Variants in STIP1 observed in about 807,000 individuals in gnomAD.
The protein encoded by STIP1 is stress-induced-phosphoprotein 1.
In STIP1, 16 loss-of-function variants were observed where a neutral mutation model predicts 77.4. The ratio of observed to expected loss-of-function variants is 0.21; its 90% CI spans 0.14 to 0.31. STIP1 has a LOEUF of 0.31. Among genes scored for constraint, STIP1 ranks in the 10% least tolerant of loss-of-function variants. STIP1 has a pLI of 1.00. For synonymous variants in STIP1, 258 were observed against 246.6 expected (o/e 1.05, Z -0.44); for missense variants, 524 against 684.8 (o/e 0.77, Z 2.62).
At chr11:64,186,398 C>CGGCGGCGGGGAGGTGAGGGCCGCG (rs1946017778) in intron 1 of STIP1, 128 bp downstream of exon 1, 3 of 330,388 alleles carry the variant, frequency 9.1e-6, no homozygotes, top group Non-Finnish European at 1.2e-5. Context: ...CCGGACGGGG[C>CGGCGGCGGGGAGGTGAGGGCCGCG]GGCGGCGGGG....
At position 64,186,257 on chromosome 11, in the gene STIP1, G is replaced by A; in HGVS notation, c.-5G>A. 1 of 1,549,864 alleles carries A rather than the reference G, an allele frequency of 6.5e-7. No homozygotes were observed. Among genetic ancestry groups the A allele is most frequent in the South Asian group, 1.2e-5 (1 of 84,040 alleles). On this transcript the variant is annotated 5_prime_UTR_variant, in exon 1 of 14. Coordinates refer to ENST00000305218, the MANE Select transcript of STIP1 (RefSeq NM_006819.3). ...ATTCAACGGGGTTCCGGACCGCGCT[G>A]CGCTATGGAGCAGGTGAAGGGGGAG...
chr11:64,197,210 A>G (rs1394244589), intron 5 of STIP1, 61 bp from the exon 6 acceptor site: 9 of 1,601,660 alleles, frequency 5.6e-6, no homozygotes, highest in Non-Finnish European at 6.8e-6. Context: ...GACAGATCAT[A>G]GATTCTTGCT....
At chr11:64,200,087 G>T (rs369748130) in intron 9 of STIP1, 51 bp downstream of exon 9, 3 of 1,613,298 alleles carry the variant, frequency 1.9e-6, no homozygotes, top group South Asian at 1.1e-5. Context: ...TGTGCCTCCC[G>T]TGCCTGGCTG....
intron 7 of STIP1, 48 bp downstream of exon 7, chr11:64,197,643 G>C (rs1198631213): frequency 2.5e-6 from 4 of 1,607,078 alleles, no homozygotes; most frequent in Non-Finnish European, 2.6e-6. Context: ...AGGGTTTGCT[G>C]TCCAAGACTT....
chr11:64,190,467 C>T (rs921052178), intron 1 of STIP1, among the ~76,000 whole-genome samples: 1 of 152,090 alleles, frequency 6.6e-6, no homozygotes, highest in Admixed American at 6.6e-5. Flanking sequence ...AGCCACTGCA[C>T]CCGGCAGCAG....
intron 10 of STIP1, chr11:64,202,374 T>TA (rs1946227685): frequency 6.5e-6 from 1 of 153,050 alleles, no homozygotes; most frequent in Admixed American, 6.5e-5. Context: ...CTGGGATTAT[T>TA]ACAGGTGCAG....
In STIP1 at chr11:64,186,312, G is replaced by A. The variant is rs776729147; in HGVS notation, c.9+42G>A. 1.3e-5 allele frequency: 19 copies of A among 1,504,124 alleles called. 1 individual carries two copies. In the East Asian group the frequency reaches 4.0e-4, roughly 32 times the overall value. 93.2% of individuals were successfully genotyped at this position (1,504,124 alleles called of 1,614,324 possible). ...GGGCTGAGGCCCCGAGCCTGCTCGGGGACCGGCGGTGGCCAGGCCGCGGTA... is the reference window on the plus strand; with the variant it reads ...GGGCTGAGGCCCCGAGCCTGCTCGGAGACCGGCGGTGGCCAGGCCGCGGTA... On this transcript the variant is annotated intron_variant, in intron 1 of 13. Coordinates refer to ENST00000305218, the MANE Select transcript of STIP1 (RefSeq NM_006819.3).
intron 13 of STIP1, 100 bp from the exon 14 acceptor site, chr11:64,203,954 C>A: frequency 7.1e-7 from 1 of 1,412,294 alleles, no homozygotes; most frequent in Non-Finnish European, 9.9e-7. Context: ...CCCCTCCCTG[C>A]CGGGGCCTTC....
At chr11:64,202,533 C>G (rs1185502023) in intron 10 of STIP1, 1 of 271,036 alleles carries the variant, frequency 3.7e-6, no homozygotes, top group Non-Finnish European at 7.2e-6. Flanking sequence ...CAGGCATGAG[C>G]CACCGCACCC....
chr11:64,202,474 C>T (rs1308029883), intron 10 of STIP1: 1 of 155,534 alleles, frequency 6.4e-6, no homozygotes, highest in Non-Finnish European at 1.4e-5. Context: ...TGTCAAACTC[C>T]TGACCTCAGG....
At position 64,204,375 on chromosome 11, in the gene STIP1, CT is replaced by C; in HGVS notation, c.*250del. ...AGTTCCATGTCTCTTTCCCCTGCCC[CT>C]AGTTGCTGTCTCGGCTGCTCTCCCA... is the stretch of plus-strand genomic sequence containing the variant. On this transcript the variant is annotated 3_prime_UTR_variant, in exon 14 of 14. Coordinates refer to ENST00000305218, the MANE Select transcript of STIP1 (RefSeq NM_006819.3). The C allele has an allele frequency of 4.1e-6, 2 of 489,292 alleles. No individual in the cohort carries two copies. The highest frequency in any genetic ancestry group is 3.6e-6 in the Non-Finnish European group (1 of 279,078). 30.3% of individuals were successfully genotyped at this position (489,292 alleles called of 1,614,324 possible). A position where few individuals can be genotyped will look rare whatever the true frequency, so the allele number is the denominator to read the frequency against.
At chr11:64,194,367 T>C (rs1430511235) in intron 3 of STIP1, 37 bp downstream of exon 3, 1 of 1,611,844 alleles carries the variant, frequency 6.2e-7, no homozygotes, top group Admixed American at 1.7e-5. Flanking sequence ...TTATTATTAA[T>C]GTGATTAATT....
rs1801716594 is a variant in STIP1, at chr11:64,196,444, T to C, written c.672+631T>C. ...CACAAGAGCATTCCTAGGAGTAATG[T>C]GTAGCAAAGAGTGAGCTGCGGGAGT... On this transcript the variant is annotated intron_variant, in intron 5 of 13. Transcript: ENST00000305218. Among the ~76,000 whole-genome samples, 12 of 149,314 alleles carry C rather than the reference T, an allele frequency of 8.0e-5. No homozygotes were observed. The South Asian group carries it at 2.5e-3, about 32-fold the overall frequency.
intron 1 of STIP1, chr11:64,186,497 G>T (rs932590278): frequency 2.0e-5 from 8 of 394,952 alleles, no homozygotes; most frequent in African/African-American, 1.5e-4. Context: ...TGGGCGAGGA[G>T]GGCCCGGCGG....
At chr11:64,191,760 T>C (rs913179635) in intron 1 of STIP1, among the ~76,000 whole-genome samples, 2 of 151,250 alleles carry the variant, frequency 1.3e-5, no homozygotes, top group African/African-American at 2.4e-5. Flanking sequence ...TGCCTCACTT[T>C]TTTTTTTTTT....
At chr11:64,203,365 C>A in intron 12 of STIP1, 85 bp from the exon 13 acceptor site, 1 of 1,592,306 alleles carries the variant, frequency 6.3e-7, no homozygotes, top group South Asian at 1.1e-5. Context: ...CTCCCCTTGT[C>A]AGTTACCTCT....
chr11:64,200,980 G>T (rs1223204851), intron 10 of STIP1, among the ~76,000 whole-genome samples: 1 of 148,088 alleles, frequency 6.8e-6, no homozygotes, highest in Non-Finnish European at 1.5e-5. Flanking sequence ...ACCCGCCTCA[G>T]CCTCCCAAAG....
chr11:64,199,231 G>A (rs561667448), intron 8 of STIP1, among the ~76,000 whole-genome samples: 3 of 146,578 alleles, frequency 2.0e-5, no homozygotes, highest in Non-Finnish European at 3.0e-5. Flanking sequence ...ATAGCCAGTC[G>A]CAGTGGCTCA....
intron 8 of STIP1, among the ~76,000 whole-genome samples, chr11:64,199,712 C>T (rs1401337394): frequency 1.3e-5 from 2 of 150,956 alleles, no homozygotes; most frequent in African/African-American, 4.9e-5. Context: ...TACAGGCTCC[C>T]GCCACCACAC....
Sources: gnomAD v4.1 joint callset for allele counts (sites outside exome capture counted in the v4.1 genomes callset) on GRCh38, gnomAD v4.1.1 for gene constraint, MANE v1.5 for transcripts, NCBI Gene and HGNC (gene_info 2026-07-23, HGNC 2026-07-21) for gene names.